The following TENM1 variants were observed in gnomAD, a reference collection of about 807,000 sequenced individuals.
TENM1 encodes teneurin-1.
TENM1 carries 35 observed loss-of-function variants against 174.8 expected under a neutral mutation model. The ratio of observed to expected loss-of-function variants is 0.20; its 90% CI spans 0.15 to 0.27. TENM1 has a LOEUF of 0.27. TENM1 is among the 10% of genes least tolerant of loss of function. TENM1 has a pLI of 1.00. For missense variants in TENM1, 1,633 were observed against 2,130.1 expected, an observed-to-expected ratio of 0.77 and a Z score of 4.59; for synonymous variants, 781 against 798.7, an observed-to-expected ratio of 0.98 and a Z score of 0.37.
chrX:125,038,613 G>A, the TENM1 span, among the ~76,000 whole-genome samples: 3 of 110,885 alleles, frequency 2.7e-5, no homozygotes, highest in African/African-American at 9.8e-5. Context: ...ATGGTCTAAT[G>A]GACACTCAAA....
At chrX:125,154,189 C>G in the TENM1 span, among the ~76,000 whole-genome samples, 14 of 110,903 alleles carry the variant, frequency 1.3e-4, no homozygotes, top group African/African-American at 4.6e-4. Context: ...CCCAGCTATG[C>G]CAGCATTTGG....
At chrX:124,701,655 G>A (rs946972777) in intron 5 of TENM1, among the ~76,000 whole-genome samples, 2 of 112,316 alleles carry the variant, frequency 1.8e-5, no homozygotes, top group Non-Finnish European at 1.9e-5. Context: ...AGGAAGTGAT[G>A]ACAATAGCCA....
intron 23 of TENM1, among the ~76,000 whole-genome samples, chrX:124,436,532 C>A (rs2060839524): frequency 1.9e-5 from 2 of 107,948 alleles, no homozygotes; most frequent in Admixed American, 9.9e-5. Context: ...CTCACTCTGT[C>A]GCCCAGGCTG....
intron 3 of TENM1, among the ~76,000 whole-genome samples, chrX:124,744,525 T>G (rs1374843813): frequency 8.9e-6 from 1 of 112,194 alleles, no homozygotes; most frequent in Non-Finnish European, 1.9e-5. Flanking sequence ...CCATGAAACA[T>G]GAAATAGATA....
At chrX:125,106,554 C>T in the TENM1 span, among the ~76,000 whole-genome samples, 4 of 110,124 alleles carry the variant, frequency 3.6e-5, no homozygotes, top group East Asian at 5.7e-4. Flanking sequence ...GGACTACGGG[C>T]GCCCGCCACC....
At chrX:124,757,434 C>T (rs777289992) in intron 3 of TENM1, among the ~76,000 whole-genome samples, 1 of 112,725 alleles carries the variant, frequency 8.9e-6, no homozygotes, top group South Asian at 3.6e-4. Flanking sequence ...CTCCCTGACC[C>T]CTTGCGCTTC....
chrX:124,648,164 A>G (rs188380934), intron 8 of TENM1, among the ~76,000 whole-genome samples: 1 of 112,190 alleles, frequency 8.9e-6, no homozygotes, highest in Admixed American at 9.5e-5. Flanking sequence ...CATTCTGACA[A>G]TCACCACATG....
intron 18 of TENM1, among the ~76,000 whole-genome samples, chrX:124,506,460 T>G: frequency 9.4e-6 from 1 of 105,921 alleles, no homozygotes; most frequent in African/African-American, 3.4e-5. Context: ...CCCACAATTA[T>G]ATTACTTTTT....
chrX:124,481,884 T>C, exon 22 of TENM1: 1 of 1,206,525 alleles, frequency 8.3e-7, no homozygotes. Flanking sequence ...CTTGTAGACT[T>C]TGCGAGTATT....
chrX:124,901,745 C>T (rs1159199638), intron 1 of TENM1, among the ~76,000 whole-genome samples: 1 of 111,484 alleles, frequency 9.0e-6, no homozygotes, highest in Non-Finnish European at 1.9e-5. Flanking sequence ...CATACCCGGC[C>T]AATTTCTGTG....
chrX:124,419,844 C>T lies in TENM1; in HGVS notation c.4982+467G>A, dbSNP rs768348711. 4.5e-5 allele frequency among the ~76,000 whole-genome samples: 5 copies of T among 111,878 alleles called. No homozygotes were observed. The South Asian group carries it at 1.5e-3, about 34-fold the overall frequency. Reference sequence around the variant, plus strand: ...TCTTATATTTGAACTTCTCTCTTACCTCCCACAGCAACTTATACTGAGCTG... The same window carrying T: ...TCTTATATTTGAACTTCTCTCTTACTTCCCACAGCAACTTATACTGAGCTG... On this transcript the variant is annotated intron_variant, in intron 25 of 31. Transcript: ENST00000422452.
chrX:124,584,285 G>A (rs2049424579), intron 11 of TENM1, among the ~76,000 whole-genome samples: 1 of 109,645 alleles, frequency 9.1e-6, no homozygotes, highest in South Asian at 4.0e-4. Flanking sequence ...CAGCCAGAGA[G>A]AAAGGTCGGG....
rs183247837 is a variant in TENM1 at position 124,631,608 on chromosome X, T to A, written c.2077+10183A>T. 2.9e-3 allele frequency among the ~76,000 whole-genome samples: 317 copies of A among 111,131 alleles called. 2 individuals are homozygous for A. Among genetic ancestry groups the A allele is most frequent in the Non-Finnish European group, 4.2e-3 (224 of 52,964 alleles). On this transcript the variant is annotated intron_variant, in intron 11 of 31. Transcript: ENST00000422452. ...CAGCAAGTCCGAAGTAGGATAAAAA[T>A]AATGAATCTGGCTGGATGCAGTGGC...
At chrX:124,761,669 G>A (rs889812369) in intron 3 of TENM1, among the ~76,000 whole-genome samples, 4 of 110,392 alleles carry the variant, frequency 3.6e-5, no homozygotes, top group Non-Finnish European at 7.6e-5. Context: ...TTGTGCACAC[G>A]TACCCTAGAA....
At chrX:125,073,373 C>G in the TENM1 span, among the ~76,000 whole-genome samples, 1 of 110,851 alleles carries the variant, frequency 9.0e-6, no homozygotes, top group Non-Finnish European at 1.9e-5. Flanking sequence ...CTGTTATGAC[C>G]AATCATAAAA....
At chrX:124,913,528 G>C in intron 1 of TENM1, among the ~76,000 whole-genome samples, 1 of 111,529 alleles carries the variant, frequency 9.0e-6, no homozygotes, top group East Asian at 2.8e-4. Flanking sequence ...TGATTAATAG[G>C]TATATAGGTC....
the TENM1 span, among the ~76,000 whole-genome samples, chrX:125,138,249 A>T: frequency 1.9e-5 from 2 of 104,922 alleles, no homozygotes; most frequent in Admixed American, 2.1e-4. Flanking sequence ...GGCTCAAAAG[A>T]TTTTTTTTTT....
rs1432758962 is a variant in TENM1 at position 124,788,893 on chromosome X, G to A, written c.536-51696C>T. On this transcript the variant is annotated intron_variant, in intron 3 of 31. Transcript: ENST00000422452. ...GGAGGACAGTGGCCCTTTCCTTACA[G>A]CTCCACTTGGTGGTGCCCCAGCAGG... Among the ~76,000 whole-genome samples, 8 of 112,062 alleles carry A rather than the reference G, an allele frequency of 7.1e-5. No homozygotes were observed. The Admixed American group carries it at 7.5e-4, about 11-fold the overall frequency.
At position 124,536,085 on chromosome X, in the gene TENM1, TTATATAATTAC is replaced by T. The variant is rs765433764; in HGVS notation, c.2652-6113_2652-6103del. On this transcript the variant is annotated intron_variant, in intron 15 of 31. Transcript: ENST00000422452. ...AGCCCCATTCTTCCTTTATATATTA[TTATATAATTAC>T]TATTTGCTATTTTATAATTTAAATG... 3.0e-4 allele frequency among the ~76,000 whole-genome samples: 33 copies of T among 111,653 alleles called. No homozygotes were observed. In the South Asian group the frequency reaches 0.012, roughly 40 times the overall value.
Sources: gnomAD v4.1 joint callset for allele counts (sites outside exome capture counted in the v4.1 genomes callset) on GRCh38, gnomAD v4.1.1 for gene constraint, MANE v1.5 for transcripts, NCBI Gene and HGNC (gene_info 2026-07-23, HGNC 2026-07-21) for gene names.